Variants in BABAM2 observed in about 807,000 individuals in gnomAD.
BABAM2 encodes BRISC and BRCA1 A complex member 2.
BABAM2 carries 31 observed loss-of-function variants against 54.7 expected under a neutral mutation model. That is an observed-to-expected ratio of 0.57 (90% CI 0.43 to 0.77). The LOEUF (loss-of-function observed/expected upper bound fraction) is 0.77, where lower values mean the gene tolerates loss of function less well. Ranked by LOEUF, BABAM2 falls within the 30% of genes least tolerant of loss-of-function variation. The pLI is 0.00. For synonymous variants in BABAM2, 167 were observed against 162.9 expected (o/e 1.03, Z -0.19); for missense variants, 364 against 455.8 (o/e 0.80, Z 1.83).
At chr2:28,003,951 A>G (rs1049506188) in intron 4 of BABAM2, among the ~76,000 whole-genome samples, 3 of 152,166 alleles carry the variant, frequency 2.0e-5, no homozygotes, top group African/African-American at 4.8e-5. Context: ...GTTTGTTTTG[A>G]TTTTTGTACT....
At chr2:28,280,548 C>T (rs567026146) in intron 10 of BABAM2, among the ~76,000 whole-genome samples, 14 of 152,254 alleles carry the variant, frequency 9.2e-5, no homozygotes, top group Admixed American at 7.2e-4. Context: ...CAAATACATA[C>T]ACACATACAC....
At chr2:27,922,304 A>G (rs1444535950) in intron 2 of BABAM2, among the ~76,000 whole-genome samples, 2 of 152,222 alleles carry the variant, frequency 1.3e-5, no homozygotes, top group Admixed American at 6.5e-5. Flanking sequence ...TTGACACTAG[A>G]ATCTTATGAT....
Position 27,894,614 on chromosome 2 carries a change from A to G in BABAM2, c.58A>G (p.Ser20Gly), listed in dbSNP as rs781722482. The G allele has an allele frequency of 4.3e-6, 7 of 1,613,890 alleles. No homozygotes were observed. The South Asian group carries it at 7.7e-5, about 18-fold the overall frequency. ...ISPMLSPFIS[S>G]VVRNGKVGLD... ...TCCAATGCTCTCCCCTTTCATATCTAGCGTGGTCCGGAATGGAAAAGTGGG... is the reference window on the plus strand; with the variant it reads ...TCCAATGCTCTCCCCTTTCATATCTGGCGTGGTCCGGAATGGAAAAGTGGG... The change falls in exon 2 of 12, where the codon AGC becomes GGC. Residue 20 changes from serine to glycine, a missense_variant. Ser to Gly is a moderately conservative substitution (Grantham distance 56). Coordinates refer to ENST00000379624, the MANE Select transcript of BABAM2 (RefSeq NM_199191.3).
At chr2:28,286,661 T>A (rs1040695820) in intron 10 of BABAM2, among the ~76,000 whole-genome samples, 1 of 152,214 alleles carries the variant, frequency 6.6e-6, no homozygotes, top group Non-Finnish European at 1.5e-5. Context: ...TTCAAGGCCC[T>A]GCTCAAAGCA....
intron 6 of BABAM2, among the ~76,000 whole-genome samples, chr2:28,124,062 G>A (rs1395224342): frequency 6.6e-6 from 1 of 152,198 alleles, no homozygotes; most frequent in Non-Finnish European, 1.5e-5. Context: ...GTTCTTTGCA[G>A]TGTGTTTTTG....
chr2:28,292,988 G>C (rs1182308867), intron 10 of BABAM2, among the ~76,000 whole-genome samples: 1 of 152,172 alleles, frequency 6.6e-6, no homozygotes, highest in Non-Finnish European at 1.5e-5. Context: ...GTGACAGCTG[G>C]GATGTATGGA....
At chr2:27,970,563 C>T (rs1301150581) in intron 3 of BABAM2, among the ~76,000 whole-genome samples, 10 of 152,118 alleles carry the variant, frequency 6.6e-5, no homozygotes, top group Non-Finnish European at 1.5e-4. Flanking sequence ...CTAAGTACTT[C>T]ACTACATATC....
intron 3 of BABAM2, among the ~76,000 whole-genome samples, chr2:27,939,202 C>T (rs111296203): frequency 0.08 from 12,153 of 152,208 alleles, 747 homozygotes; most frequent in African/African-American, 0.16. Context: ...CCGCCCACCT[C>T]GGCCTCCCAA....
chr2:28,266,515 A>G (rs1242247160), intron 10 of BABAM2, among the ~76,000 whole-genome samples: 1 of 152,198 alleles, frequency 6.6e-6, no homozygotes, highest in Non-Finnish European at 1.5e-5. Flanking sequence ...GTTATTAGAA[A>G]TGTCTCTTCA....
At chr2:28,298,235 G>T (rs1269829017) in intron 10 of BABAM2, 103 bp from the exon 11 acceptor site, 43 of 1,240,832 alleles carry the variant, frequency 3.5e-5, no homozygotes, top group Non-Finnish European at 4.8e-5. Context: ...AGTATTTGTG[G>T]TTCAAATAGA....
At chr2:27,982,557 G>A (rs552891767) in intron 3 of BABAM2, among the ~76,000 whole-genome samples, 28 of 151,138 alleles carry the variant, frequency 1.9e-4, no homozygotes, top group African/African-American at 6.3e-4. Context: ...TCTTTTGCCT[G>A]TGGCTTTCCA....
chr2:27,909,526 T>C (rs1039890135), intron 2 of BABAM2, among the ~76,000 whole-genome samples: 6 of 152,232 alleles, frequency 3.9e-5, no homozygotes, highest in African/African-American at 1.4e-4. Flanking sequence ...CTTTTTACTC[T>C]GTTGATAATG....
At chr2:28,289,045 T>C (rs1051749420) in intron 10 of BABAM2, among the ~76,000 whole-genome samples, 1 of 151,704 alleles carries the variant, frequency 6.6e-6, no homozygotes, top group Non-Finnish European at 1.5e-5. Flanking sequence ...CAAAGTAATG[T>C]TTATCTGTTT....
chr2:27,926,914 C>T (rs1016848390), intron 2 of BABAM2, among the ~76,000 whole-genome samples: 4 of 152,072 alleles, frequency 2.6e-5, no homozygotes, highest in African/African-American at 9.7e-5. Flanking sequence ...ATATCCTCAT[C>T]TCAAACATTT....
intron 6 of BABAM2, among the ~76,000 whole-genome samples, chr2:28,114,851 C>T (rs1366309250): frequency 3.3e-5 from 5 of 152,082 alleles, no homozygotes; most frequent in Non-Finnish European, 7.4e-5. Flanking sequence ...AAACTTATAC[C>T]AACTGATTTA....
chr2:27,946,385 C>T (rs560547601), intron 3 of BABAM2, among the ~76,000 whole-genome samples: 12 of 152,254 alleles, frequency 7.9e-5, no homozygotes, highest in African/African-American at 2.9e-4. Flanking sequence ...TGATGTATTA[C>T]TGGAGTTGAT....
chr2:28,274,501 C>T (rs1332372240), intron 10 of BABAM2, among the ~76,000 whole-genome samples: 1 of 152,206 alleles, frequency 6.6e-6, no homozygotes, highest in East Asian at 1.9e-4. Flanking sequence ...GATCTTGGCT[C>T]ACTGCAGCCT....
At chr2:28,258,452 T>G (rs1489494703) in intron 10 of BABAM2, among the ~76,000 whole-genome samples, 2 of 152,152 alleles carry the variant, frequency 1.3e-5, no homozygotes, top group African/African-American at 4.8e-5. Context: ...TTGTCATTCT[T>G]TTTAAGTTTA....
intron 4 of BABAM2, among the ~76,000 whole-genome samples, chr2:28,016,913 G>A (rs1380786875): frequency 2.0e-5 from 3 of 152,232 alleles, no homozygotes; most frequent in Non-Finnish European, 2.9e-5. Context: ...CATAAGGGAT[G>A]TGATTGGCAG....
Sources: gnomAD v4.1 joint callset for allele counts (sites outside exome capture counted in the v4.1 genomes callset) on GRCh38, gnomAD v4.1.1 for gene constraint, MANE v1.5 for transcripts, NCBI Gene and HGNC (gene_info 2026-07-23, HGNC 2026-07-21) for gene names.